The following MCM10 variants were observed in gnomAD, a reference collection of about 807,000 sequenced individuals.
MCM10 encodes the protein minichromosome maintenance 10 replication initiation factor.
Under a neutral mutation model 109.9 loss-of-function variants are expected in MCM10, and 91 were observed. The ratio of observed to expected loss-of-function variants is 0.83; its 90% CI spans 0.70 to 0.99. The LOEUF (loss-of-function observed/expected upper bound fraction) is 0.99. MCM10 is among the 50% of genes least tolerant of loss of function. The pLI, the probability that MCM10 is intolerant of heterozygous loss-of-function variation, is 0.00. For missense variants in MCM10, 1,077 were observed against 1,061.2 expected (o/e 1.01, Z -0.21); for synonymous variants, 380 against 387.2 (o/e 0.98, Z 0.22).
At chr10:13,164,310 C>T in intron 2 of MCM10, 101 bp downstream of exon 2, 1 of 1,160,378 alleles carries the variant, frequency 8.6e-7, no homozygotes, top group South Asian at 1.6e-5. Flanking sequence ...AAAATGCTCC[C>T]CAGCCCTCAG....
intron 13 of MCM10, among the ~76,000 whole-genome samples, chr10:13,193,685 C>T (rs1290976725): frequency 6.6e-6 from 1 of 151,972 alleles, no homozygotes; most frequent in African/African-American, 2.4e-5. Context: ...TTTGAAGTGC[C>T]GGTGGGATAT....
chr10:13,166,005 T>C (rs1833992607), intron 2 of MCM10, among the ~76,000 whole-genome samples: 1 of 152,142 alleles, frequency 6.6e-6, no homozygotes, highest in Non-Finnish European at 1.5e-5. Flanking sequence ...GGATATACTG[T>C]TGAACAATGT....
At chr10:13,197,863 C>T in intron 15 of MCM10, 96 bp downstream of exon 15, 1 of 1,241,758 alleles carries the variant, frequency 8.1e-7, no homozygotes, top group Non-Finnish European at 1.1e-6. Flanking sequence ...CAAGCAATTA[C>T]TTCCATTTCC....
intron 18 of MCM10, among the ~76,000 whole-genome samples, chr10:13,207,286 A>G (rs891336622): frequency 6.6e-6 from 1 of 152,254 alleles, no homozygotes; most frequent in Non-Finnish European, 1.5e-5. Context: ...AACTTTATTT[A>G]TAAAAACTGG....
chr10:13,184,218 C>T (rs2131572622), intron 8 of MCM10, among the ~76,000 whole-genome samples: 1 of 152,074 alleles, frequency 6.6e-6, no homozygotes, highest in South Asian at 2.1e-4. Flanking sequence ...GTCTCGAACC[C>T]CTGGGCTCAA....
intron 5 of MCM10, among the ~76,000 whole-genome samples, chr10:13,173,484 G>A (rs1834102316): frequency 6.6e-6 from 1 of 152,164 alleles, no homozygotes; most frequent in Non-Finnish European, 1.5e-5. Flanking sequence ...GCACACACAT[G>A]TATATGCACA....
intron 9 of MCM10, 149 bp from the exon 10 acceptor site, chr10:13,188,732 C>G: frequency 1.4e-6 from 1 of 728,158 alleles, no homozygotes; most frequent in Non-Finnish European, 2.5e-6. Context: ...ACTGAGCAGC[C>G]CTTCCACATT....
At chr10:13,165,978 AGAC>A (rs1833992252) in intron 2 of MCM10, among the ~76,000 whole-genome samples, 1 of 151,884 alleles carries the variant, frequency 6.6e-6, no homozygotes, top group South Asian at 2.1e-4. Flanking sequence ...AGGAAATCGG[AGAC>A]TGTATGGTAC....
chr10:13,192,595 C>T (rs761427166), intron 13 of MCM10, 27 bp downstream of exon 13: 24 of 1,599,648 alleles, frequency 1.5e-5, no homozygotes, highest in East Asian at 6.7e-5. Flanking sequence ...TAATATTCCC[C>T]GCTTGGGTCA....
intron 16 of MCM10, among the ~76,000 whole-genome samples, chr10:13,201,215 T>A (rs1252800026): frequency 6.6e-6 from 1 of 152,120 alleles, no homozygotes; most frequent in Non-Finnish European, 1.5e-5. Flanking sequence ...TATTAAGAGC[T>A]CGTTTCTATG....
rs368268628 is a variant in MCM10 at position 13,191,388 on chromosome 10, G to A, written c.1505G>A (p.Arg502Gln). 10 of 1,613,486 alleles carry A rather than the reference G, an allele frequency of 6.2e-6. No homozygotes were observed. Among genetic ancestry groups the A allele is most frequent in the Admixed American group, 5.0e-5 (3 of 59,974 alleles). Reference protein sequence around the residue: ...KGTNLIIQETRQKLGIPQKSL... With the variant: ...KGTNLIIQETQQKLGIPQKSL... ...ACAAACTTGATCATCCAGGAAACAC[G>A]GCAAAAACTCGGTAACTTTGTTTTT... Residue 502 changes from arginine to glutamine, a missense_variant, in exon 11 of 20, where the codon CGG (arginine) becomes CAG (glutamine). Physicochemically the swap from Arg to Gln is conservative, Grantham distance 43. Coordinates refer to ENST00000378714, the MANE Select transcript of MCM10 (RefSeq NM_018518.5).
At chr10:13,183,793 TTCCACTTCTGCC>T (rs1375946195) in intron 8 of MCM10, among the ~76,000 whole-genome samples, 1 of 152,120 alleles carries the variant, frequency 6.6e-6, no homozygotes. Context: ...TAAGTGATAC[TTCCACTTCTGCC>T]TCCTGAGTAG....
chr10:13,171,014 C>A lies in MCM10; in HGVS notation c.100C>A (p.Arg34=), dbSNP rs765768942. 1.9e-6 allele frequency: 3 copies of A among 1,614,024 alleles called. No individual in the cohort carries two copies. The African/African-American group carries it at 4.0e-5, about 22-fold the overall frequency. ...TTCAGAAGAAAATAACTTCTTGACG[C>A]GGGAAAATGGCGAGCCCGACGCATT... ...CNSEENNFLT[R]ENGEPDAFDE... Residue 34 remains arginine, a synonymous_variant, in exon 3 of 20, where the codon CGG becomes AGG. Coordinates refer to ENST00000378714, the MANE Select transcript of MCM10 (RefSeq NM_018518.5).
chr10:13,208,819 C>T (rs767208762), intron 18 of MCM10, among the ~76,000 whole-genome samples: 6 of 152,262 alleles, frequency 3.9e-5, no homozygotes, highest in Non-Finnish European at 5.9e-5. Context: ...ACCTGCAGTG[C>T]GTGGATCCCT....
At chr10:13,203,687 G>A (rs185659645) in intron 17 of MCM10, among the ~76,000 whole-genome samples, 45 of 152,112 alleles carry the variant, frequency 3.0e-4, no homozygotes, top group African/African-American at 1.0e-3. Flanking sequence ...CATTCTCCTC[G>A]GTCCTTCTGA....
Position 13,164,121 on chromosome 10 carries a change from C to A in MCM10, c.-75-7C>A, listed in dbSNP as rs1833963260. 2.4e-6 allele frequency: 3 copies of A among 1,262,096 alleles called. No individual in the cohort carries two copies. Among genetic ancestry groups the A allele is most frequent in the Non-Finnish European group, 3.3e-6 (3 of 912,850 alleles). 78.2% of individuals were successfully genotyped at this position (1,262,096 alleles called of 1,614,324 possible). On this transcript the variant is annotated splice_region_variant and splice_polypyrimidine_tract_variant and intron_variant, in intron 1 of 19. Coordinates refer to ENST00000378714, the MANE Select transcript of MCM10 (RefSeq NM_018518.5). ...AAAGTGACATTTCTAATATTGCTTTCACACAGCCAAGATTCTACATTGCTC... is the reference window on the plus strand; with the variant it reads ...AAAGTGACATTTCTAATATTGCTTTAACACAGCCAAGATTCTACATTGCTC...
In MCM10 at chr10:13,189,033, T is replaced by C; in HGVS notation, c.1368T>C (p.Asp456=). The change falls in exon 10 of 20, where the codon GAT becomes GAC. Residue 456 remains aspartate (D), a synonymous_variant. Coordinates refer to ENST00000378714, the MANE Select transcript of MCM10 (RefSeq NM_018518.5). ...GTSLKERLCQ[D]GFYYGGVSSA... ...GCCTCAAAGAACGGCTGTGCCAAGA[T>C]GGCTTTTACTACGGAGGGGTTTCTT... The C allele has an allele frequency of 2.5e-6, 4 of 1,614,264 alleles. No individual in the cohort carries two copies. The highest frequency in any genetic ancestry group is 3.4e-6 in the Non-Finnish European group (4 of 1,180,056).
Position 13,189,049 on chromosome 10 carries a change from G to C in MCM10, c.1384G>C (p.Gly462Arg). 1 of 1,614,244 alleles carries C rather than the reference G, an allele frequency of 6.2e-7. No individual in the cohort carries two copies. The highest frequency in any genetic ancestry group is 8.5e-7 in the Non-Finnish European group (1 of 1,180,048). Residue 462 changes from glycine to arginine, a missense_variant, in exon 10 of 20, where the codon GGG becomes CGG. Gly to Arg is a moderately radical substitution (Grantham distance 125, BLOSUM62 -2). Coordinates refer to ENST00000378714, the MANE Select transcript of MCM10 (RefSeq NM_018518.5). ...RLCQDGFYYG[G>R]VSSASYAASI... The stretch of plus-strand genomic sequence containing the variant: ...GTGCCAAGATGGCTTTTACTACGGA[G>C]GGGTTTCTTCTGCCTCGTATGCAGC...
chr10:13,175,526 T>C lies in MCM10; in HGVS notation c.609T>C (p.Ser203=). The C allele has an allele frequency of 6.2e-7, 1 of 1,614,030 alleles. No individual in the cohort carries two copies. The highest frequency in any genetic ancestry group is 1.1e-5 in the South Asian group (1 of 91,074). Residue 203 remains serine (S), a synonymous_variant, in exon 6 of 20, where the codon TCT becomes TCC. Coordinates refer to ENST00000378714, the MANE Select transcript of MCM10 (RefSeq NM_018518.5). ...KASPPDPKSS[S]SRMTSAPSQP... Reference sequence around the variant, plus strand: ...ATTTTCTAGATCCCAAAAGCTCATCTTCAAGGATGACAAGTGCACCCTCCC... The same window carrying C: ...ATTTTCTAGATCCCAAAAGCTCATCCTCAAGGATGACAAGTGCACCCTCCC...
Sources: gnomAD v4.1 joint callset for allele counts (sites outside exome capture counted in the v4.1 genomes callset) on GRCh38, gnomAD v4.1.1 for gene constraint, MANE v1.5 for transcripts, NCBI Gene and HGNC (gene_info 2026-07-23, HGNC 2026-07-21) for gene names.